The following F5 variants were observed in gnomAD, a reference collection of about 807,000 sequenced individuals.
The protein encoded by F5 is coagulation factor V.
Under a neutral mutation model 216.4 loss-of-function variants are expected in F5, and 138 were observed. That is an observed-to-expected ratio of 0.64 (90% CI 0.56 to 0.73). The LOEUF (loss-of-function observed/expected upper bound fraction) is 0.73. Among genes scored for constraint, F5 ranks in the 30% least tolerant of loss-of-function variants. F5 has a pLI of 0.00. For missense variants in F5, 2,403 were observed against 2,674.0 expected (o/e 0.90, Z 2.24); for synonymous variants, 916 against 930.7 (o/e 0.98, Z 0.29).
chr1:169,520,466 C>A (rs1659270966), intron 22 of F5, 54 bp downstream of exon 22: 31 of 1,610,596 alleles, frequency 1.9e-5, no homozygotes, highest in Non-Finnish European at 2.6e-5. Context: ...CTATACCTCC[C>A]AAATCTTGAT....
At chr1:169,566,966 G>A (rs968595445) in intron 3 of F5, among the ~76,000 whole-genome samples, 1 of 151,964 alleles carries the variant, frequency 6.6e-6, no homozygotes, top group African/African-American at 2.4e-5. Flanking sequence ...ATAGAAATTG[G>A]TGATTTTCTT....
intron 1 of F5, 130 bp from the exon 2 acceptor site, chr1:169,582,652 G>A: frequency 1.9e-6 from 1 of 516,722 alleles, no homozygotes; most frequent in Non-Finnish European, 3.5e-6. Flanking sequence ...TATTTCAGAA[G>A]TCCACAGTTT....
At position 169,582,422 on chromosome 1, in the gene F5, C is replaced by A; in HGVS notation, c.250+9G>T. 1 of 1,446,500 alleles carries A rather than the reference C, an allele frequency of 6.9e-7. No individual in the cohort carries two copies. The highest frequency in any genetic ancestry group is 1.2e-5 in the South Asian group (1 of 83,016). 89.6% of individuals were successfully genotyped at this position (1,446,500 alleles called of 1,614,324 possible). ...TCTTTAAAATTAAAAAAGTATATTT[C>A]AGGCTTACCTGAAATGGTAGATTGT... is the stretch of plus-strand genomic sequence containing the variant. On this transcript the variant is annotated intron_variant, in intron 2 of 24. Coordinates refer to ENST00000367797, the MANE Select transcript of F5 (RefSeq NM_000130.5).
chr1:169,520,181 C>T (rs1180656406), intron 22 of F5, among the ~76,000 whole-genome samples: 2 of 152,168 alleles, frequency 1.3e-5, no homozygotes, highest in Non-Finnish European at 2.9e-5. Flanking sequence ...GACCTGAGGA[C>T]TTTGGAAGAG....
intron 2 of F5, 132 bp downstream of exon 2, chr1:169,582,299 G>A (rs975825183): frequency 4.7e-5 from 25 of 530,168 alleles, no homozygotes; most frequent in Non-Finnish European, 8.3e-5. Context: ...ATATTATGTA[G>A]CCAGTACTTC....
At chr1:169,544,212 G>A (rs1659941493) in intron 12 of F5, 84 bp downstream of exon 12, 2 of 1,121,454 alleles carry the variant, frequency 1.8e-6, no homozygotes, top group African/African-American at 1.5e-5. Flanking sequence ...GAGGAGCACT[G>A]GTAGCCTGGA....
chr1:169,512,463 C>T lies in F5; in HGVS notation c.*1850G>A, dbSNP rs1659050033. Among the ~76,000 whole-genome samples, 2 of 152,110 alleles carry T rather than the reference C, an allele frequency of 1.3e-5. No individual in the cohort carries two copies. The highest frequency in any genetic ancestry group is 4.1e-4 in the South Asian group (2 of 4,826). On this transcript the variant is annotated 3_prime_UTR_variant, in exon 25 of 25. Coordinates refer to ENST00000367797, the MANE Select transcript of F5 (RefSeq NM_000130.5). ...ATTGAAAAATGGAAATGTCGAATTC[C>T]TTCTTAAAAAATAAAGGATTTCAAG...
intron 2 of F5, among the ~76,000 whole-genome samples, chr1:169,577,363 A>C (rs1204405308): frequency 6.6e-6 from 1 of 151,442 alleles, no homozygotes; most frequent in East Asian, 1.9e-4. Flanking sequence ...AAAACTAGCC[A>C]ATTTAATTAA....
At chr1:169,569,222 T>C (rs1160990531) in intron 3 of F5, among the ~76,000 whole-genome samples, 2 of 152,104 alleles carry the variant, frequency 1.3e-5, no homozygotes, top group African/African-American at 4.8e-5. Flanking sequence ...AGCATTGGAA[T>C]GTTTTGGAAA....
intron 8 of F5, among the ~76,000 whole-genome samples, chr1:169,551,637 G>A (rs760939146): frequency 3.9e-5 from 6 of 152,202 alleles, no homozygotes; most frequent in Non-Finnish European, 7.3e-5. Context: ...ACCTTGTCAG[G>A]TGCATAAAAC....
In F5 at chr1:169,514,421, C is replaced by T; in HGVS notation, c.6567G>A (p.Lys2189=). Residue 2189 remains lysine (K), a synonymous_variant, in exon 25 of 25, where the codon AAG becomes AAA. Coordinates refer to ENST00000367797, the MANE Select transcript of F5 (RefSeq NM_000130.5). Reference sequence around the variant, plus strand: ...AAATGATTGGGGGGTTGAAAAAGTTCTTCACATGTCCTTTGGTATTAGTAT... The same window carrying T: ...AAATGATTGGGGGGTTGAAAAAGTTTTTCACATGTCCTTTGGTATTAGTAT... ...EGNTNTKGHV[K]NFFNPPIISR... is the part of the protein sequence containing the mutation. 1.2e-6 allele frequency: 2 copies of T among 1,613,152 alleles called. No individual in the cohort carries two copies. The highest frequency in any genetic ancestry group is 1.7e-5 in the Admixed American group (1 of 59,846).
chr1:169,559,893 G>C (rs1660427446), intron 4 of F5, among the ~76,000 whole-genome samples: 1 of 129,342 alleles, frequency 7.7e-6, no homozygotes, highest in Non-Finnish European at 1.5e-5. Flanking sequence ...TGTAGGTATG[G>C]CCTGAGCGTG....
intron 1 of F5, among the ~76,000 whole-genome samples, chr1:169,582,800 A>G (rs1661018585): frequency 6.6e-6 from 1 of 152,254 alleles, no homozygotes. Context: ...AAAGAACCCA[A>G]TATCACAGTA....
At chr1:169,555,920 C>T (rs1660313749) in intron 6 of F5, among the ~76,000 whole-genome samples, 1 of 152,030 alleles carries the variant, frequency 6.6e-6, no homozygotes, top group African/African-American at 2.4e-5. Context: ...AGTATCTCTT[C>T]CTTATATGTG....
At chr1:169,525,759 G>A in intron 18 of F5, 142 bp downstream of exon 18, 1 of 730,390 alleles carries the variant, frequency 1.4e-6, no homozygotes, top group East Asian at 2.6e-5. Context: ...CCATGGGCCG[G>A]AATAAAAGCA....
At chr1:169,574,369 G>A (rs1210816885) in intron 2 of F5, among the ~76,000 whole-genome samples, 1 of 152,150 alleles carries the variant, frequency 6.6e-6, no homozygotes, top group Non-Finnish European at 1.5e-5. Context: ...GGACTTTAAC[G>A]TGTGCTCCTT....
In F5 at chr1:169,513,897, C is replaced by T. The variant is rs993031440; in HGVS notation, c.*416G>A. Among the ~76,000 whole-genome samples the T allele has an allele frequency of 2.0e-5, 3 of 151,866 alleles. No individual in the cohort carries two copies. The highest frequency in any genetic ancestry group is 4.4e-5 in the Non-Finnish European group (3 of 67,946). ...GTTTTTCTCTTCACTCAAGAAAAAC[C>T]ATTAAAAAATCATGTGTTTGTGAAA... On this transcript the variant is annotated 3_prime_UTR_variant, in exon 25 of 25. Transcript: ENST00000367797.
intron 17 of F5, 150 bp downstream of exon 17, chr1:169,527,765 G>T: frequency 2.2e-6 from 2 of 891,252 alleles, no homozygotes; most frequent in Non-Finnish European, 1.7e-6. Context: ...TATATACTTT[G>T]GGTCTATGGG....
At chr1:169,514,568 A>G in intron 24 of F5, 109 bp from the exon 25 acceptor site, 1 of 894,820 alleles carries the variant, frequency 1.1e-6, no homozygotes, top group East Asian at 2.6e-5. Context: ...GCTTGAGTCC[A>G]GTGGCACAGT....
Sources: gnomAD v4.1 joint callset for allele counts (sites outside exome capture counted in the v4.1 genomes callset) on GRCh38, gnomAD v4.1.1 for gene constraint, MANE v1.5 for transcripts, NCBI Gene and HGNC (gene_info 2026-07-23, HGNC 2026-07-21) for gene names.